ANKRD13A: variants seen among roughly 807,000 people sequenced by gnomAD.
The protein encoded by ANKRD13A is ankyrin repeat domain-containing protein 13A.
A neutral mutation model predicts 81.3 loss-of-function variants in ANKRD13A; 48 were observed. The observed-to-expected ratio is 0.59, with a 90% CI of 0.47 to 0.75. The LOEUF (loss-of-function observed/expected upper bound fraction) is 0.75, where lower values mean the gene tolerates loss of function less well. Among genes scored for constraint, ANKRD13A ranks in the 30% least tolerant of loss-of-function variants. The probability of loss-of-function intolerance (pLI) is 0.00; values close to 1 mark genes in which losing one functional copy is unlikely to be tolerated. For synonymous variants in ANKRD13A, 230 were observed against 270.1 expected (o/e 0.85, Z 1.45); for missense variants, 612 against 734.0 (o/e 0.83, Z 1.92).
intron 1 of ANKRD13A, among the ~76,000 whole-genome samples, chr12:110,005,370 G>T (rs1890189896): frequency 6.6e-6 from 1 of 152,078 alleles, no homozygotes; most frequent in Admixed American, 6.5e-5. Context: ...GGCTCAAGCA[G>T]TCCTCCTGCC....
intron 4 of ANKRD13A, 108 bp downstream of exon 4, chr12:110,016,541 G>A: frequency 9.7e-7 from 1 of 1,030,854 alleles, no homozygotes; most frequent in Admixed American, 2.5e-5. Flanking sequence ...TTTAGTCAAG[G>A]AAATACATAG....
Position 109,999,802 on chromosome 12 carries a change from G to T in ANKRD13A, c.96+18G>T, listed in dbSNP as rs1889851990. On this transcript the variant is annotated intron_variant, in intron 1 of 14. Coordinates refer to ENST00000261739, the MANE Select transcript of ANKRD13A (RefSeq NM_033121.2). The surrounding 1 kb of genome is among the most constrained non-coding windows in gnomAD (Gnocchi z 4.3). ...AGGGCCAGGTGAGGGGCGGGGCGGG[G>T]GTCCGTCTCCCGGTGGGGACTTCGG... 2 of 1,526,024 alleles carry T rather than the reference G, an allele frequency of 1.3e-6. No individual in the cohort carries two copies. The highest frequency in any genetic ancestry group is 2.8e-5 in the African/African-American group (2 of 71,598). 94.5% of individuals were successfully genotyped at this position (1,526,024 alleles called of 1,614,324 possible).
At chr12:110,030,033 A>G (rs896773956) in intron 11 of ANKRD13A, among the ~76,000 whole-genome samples, 1 of 152,246 alleles carries the variant, frequency 6.6e-6, no homozygotes, top group African/African-American at 2.4e-5. Flanking sequence ...GCTAGTATGC[A>G]TAATGCTATA....
intron 4 of ANKRD13A, among the ~76,000 whole-genome samples, chr12:110,017,627 G>T (rs1373391393): frequency 6.6e-6 from 1 of 152,060 alleles, no homozygotes; most frequent in East Asian, 1.9e-4. Context: ...CTTATTTCAG[G>T]TTTTGTTAAA....
At chr12:110,004,320 C>T (rs1355990502) in intron 1 of ANKRD13A, among the ~76,000 whole-genome samples, 4 of 151,644 alleles carry the variant, frequency 2.6e-5, no homozygotes, top group African/African-American at 7.3e-5. Context: ...TGATCAGTTT[C>T]GAAAGTGAAT....
Position 110,036,439 on chromosome 12 carries a change from C to T in ANKRD13A, c.1577+111C>T. On this transcript the variant is annotated intron_variant, in intron 14 of 14. Coordinates refer to ENST00000261739, the MANE Select transcript of ANKRD13A (RefSeq NM_033121.2). The surrounding 1 kb of genome is among the most constrained non-coding windows in gnomAD (Gnocchi z 4.6). ...GTCCTCAGGCAGATGTACGGTGCCA[C>T]AAACTGGCAGGAAAGACTAGAAAAA... 2 of 1,155,748 alleles carry T rather than the reference C, an allele frequency of 1.7e-6. No homozygotes were observed. The highest frequency in any genetic ancestry group is 1.7e-5 in the Admixed American group (1 of 57,554). 71.6% of individuals were successfully genotyped at this position (1,155,748 alleles called of 1,614,324 possible). A position where few individuals can be genotyped will look rare whatever the true frequency, so the allele number is the denominator to read the frequency against.
In ANKRD13A at chr12:110,036,478, G is replaced by A. The variant is rs1029050333; in HGVS notation, c.1577+150G>A. 1.6e-5 allele frequency: 13 copies of A among 837,074 alleles called. No individual in the cohort carries two copies. Among genetic ancestry groups the A allele is most frequent in the Middle Eastern group, 6.2e-4 (2 of 3,212 alleles). The allele number at this position is 837,074 out of a possible 1,614,324, so 51.9% of individuals were successfully genotyped here. On this transcript the variant is annotated intron_variant, in intron 14 of 14. Transcript: ENST00000261739. This position sits in a 1 kb window ranked among gnomAD's most constrained non-coding sequence, Gnocchi z 4.6. ...AGACTAGAAAAAGTAGGCCAGGAGCGGTGGCTCACGCCTATAATCCCAGCA... is the reference window on the plus strand; with the variant it reads ...AGACTAGAAAAAGTAGGCCAGGAGCAGTGGCTCACGCCTATAATCCCAGCA...
At chr12:110,027,323 A>G in intron 8 of ANKRD13A, 1 of 222,570 alleles carries the variant, frequency 4.5e-6, no homozygotes, top group Non-Finnish European at 9.1e-6. Context: ...GTATGTGGTA[A>G]GCATGCAGTA....
At position 110,036,249 on chromosome 12, in the gene ANKRD13A, T is replaced by G; in HGVS notation, c.1510-12T>G. ...AAGACGTATTCATGTCTATCACATT[T>G]GTCTTTGCCAGGAACTTTCAGGACC... On this transcript the variant is annotated splice_polypyrimidine_tract_variant and intron_variant, in intron 13 of 14. Coordinates refer to ENST00000261739, the MANE Select transcript of ANKRD13A (RefSeq NM_033121.2). The surrounding 1 kb of genome is among the most constrained non-coding windows in gnomAD (Gnocchi z 4.6). The G allele has an allele frequency of 6.2e-7, 1 of 1,613,526 alleles. No homozygotes were observed. The highest frequency in any genetic ancestry group is 8.5e-7 in the Non-Finnish European group (1 of 1,179,448).
rs1891631752 is a variant in ANKRD13A at position 110,030,704 on chromosome 12, A to T, written c.1294A>T (p.Ser432Cys). 1 of 1,611,190 alleles carries T rather than the reference A, an allele frequency of 6.2e-7. No individual in the cohort carries two copies. The highest frequency in any genetic ancestry group is 8.5e-7 in the Non-Finnish European group (1 of 1,178,508). Reference sequence around the variant, plus strand: ...TACATTTGGAAATGTTAATGGCTGTAGCACTGCCGAAGAATCTGTATCTCA... The same window carrying T: ...TACATTTGGAAATGTTAATGGCTGTTGCACTGCCGAAGAATCTGTATCTCA... ...RITFGNVNGC[S>C]TAEESVSQNV... The change falls in exon 12 of 15, where the codon AGC becomes TGC. Residue 432 changes from serine to cysteine, a missense_variant. Ser to Cys is a moderately radical substitution (Grantham distance 112). Transcript: ENST00000261739.
intron 12 of ANKRD13A, 59 bp downstream of exon 12, chr12:110,030,817 G>A (rs1001038671): frequency 3.3e-5 from 38 of 1,159,658 alleles, no homozygotes; most frequent in Middle Eastern, 2.1e-4. Flanking sequence ...ATTTATGGCC[G>A]GACGTGGTGG....
rs1448678691 is a variant in ANKRD13A, at chr12:109,999,798, CG to C, written c.96+19del. The stretch of plus-strand genomic sequence containing the variant: ...CTGCAGGGCCAGGTGAGGGGCGGGG[CG>C]GGGGTCCGTCTCCCGGTGGGGACTT... On this transcript the variant is annotated intron_variant, in intron 1 of 14. Coordinates refer to ENST00000261739, the MANE Select transcript of ANKRD13A (RefSeq NM_033121.2). The surrounding 1 kb of genome is among the most constrained non-coding windows in gnomAD (Gnocchi z 4.3). The C allele has an allele frequency of 1.8e-5, 27 of 1,520,440 alleles. No homozygotes were observed. The highest frequency in any genetic ancestry group is 2.6e-5 in the East Asian group (1 of 38,664). The allele number at this position is 1,520,440 out of a possible 1,614,324, so 94.2% of individuals were successfully genotyped here.
chr12:110,011,124 G>T (rs1205141791), intron 1 of ANKRD13A, among the ~76,000 whole-genome samples: 1 of 151,640 alleles, frequency 6.6e-6, no homozygotes, highest in African/African-American at 2.4e-5. Flanking sequence ...AAAAAAAAAG[G>T]TTGTACTTTC....
intron 3 of ANKRD13A, among the ~76,000 whole-genome samples, chr12:110,013,800 T>C (rs6606681): frequency 0.11 from 16,894 of 151,162 alleles, 2,094 homozygotes; most frequent in African/African-American, 0.31. Context: ...ATAATAAATA[T>C]AATAATATAA....
intron 4 of ANKRD13A, 91 bp downstream of exon 4, chr12:110,016,524 A>G: frequency 2.4e-6 from 3 of 1,240,894 alleles, no homozygotes; most frequent in Non-Finnish European, 3.3e-6. Context: ...AGTTACATGT[A>G]TTTTTTTTTA....
intron 12 of ANKRD13A, 149 bp downstream of exon 12, chr12:110,030,907 C>T (rs1032438849): frequency 1.8e-5 from 6 of 337,190 alleles, no homozygotes; most frequent in African/African-American, 1.3e-4. Flanking sequence ...CCAGCCTGAC[C>T]AACATGGAGA....
chr12:110,028,559 G>T lies in ANKRD13A; in HGVS notation c.993G>T (p.Thr331=). 1 of 1,614,150 alleles carries T rather than the reference G, an allele frequency of 6.2e-7. No homozygotes were observed. The highest frequency in any genetic ancestry group is 8.5e-7 in the Non-Finnish European group (1 of 1,180,024). ...CTGCAAACAACCCCACAGCCATCAC[G>T]CCTGATGAGTACTTCAATGAAGAGT... The part of the protein sequence containing the change: ...CATANNPTAI[T]PDEYFNEEFD... Residue 331 remains threonine (T), a synonymous_variant, in exon 10 of 15, where the codon ACG becomes ACT. Coordinates refer to ENST00000261739, the MANE Select transcript of ANKRD13A (RefSeq NM_033121.2).
At chr12:110,024,013 A>G in intron 6 of ANKRD13A, 33 bp from the exon 7 acceptor site, 1 of 1,597,172 alleles carries the variant, frequency 6.3e-7, no homozygotes, top group Non-Finnish European at 8.6e-7. Flanking sequence ...CATATTGTAC[A>G]TGTAGAAATT....
intron 4 of ANKRD13A, among the ~76,000 whole-genome samples, chr12:110,017,880 C>T (rs893205466): frequency 3.3e-5 from 5 of 151,018 alleles, no homozygotes; most frequent in African/African-American, 1.2e-4. Context: ...TGCAGTGAGC[C>T]AAGATTGCGC....
Sources: allele counts gnomAD v4.1 joint callset (sites outside exome capture counted in the v4.1 genomes callset), GRCh38; gene constraint gnomAD v4.1.1; non-coding constraint Gnocchi (gnomAD v3.1); transcripts MANE v1.5; gene names NCBI Gene and HGNC (gene_info 2026-07-23, HGNC 2026-07-21).